The following PSMF1 variants were observed in gnomAD, a reference collection of about 807,000 sequenced individuals.
PSMF1 encodes the protein proteasome inhibitor PI31 subunit.
PSMF1 carries 30 observed loss-of-function variants against 29.3 expected under a neutral mutation model. The ratio of observed to expected loss-of-function variants is 1.02; its 90% CI spans 0.77 to 1.39. PSMF1 has a LOEUF of 1.39. PSMF1 is among the 40% of genes most tolerant of loss of function. PSMF1 has a pLI of 0.00. For missense variants in PSMF1, 344 were observed against 357.5 expected (o/e 0.96, Z 0.31); for synonymous variants, 134 against 139.7 (o/e 0.96, Z 0.29).
At position 1,168,358 on chromosome 20, in the gene PSMF1, A is replaced by G. The variant is rs1411831988; in HGVS notation, c.*3278A>G. 1 of 152,232 alleles carries G rather than the reference A, an allele frequency of 6.6e-6. No individual in the cohort carries two copies. Among genetic ancestry groups the G allele is most frequent in the Non-Finnish European group, 1.5e-5 (1 of 68,052 alleles). 9.4% of individuals were successfully genotyped at this position (152,232 alleles called of 1,614,324 possible). ...TATCCAGTGAATTACAAGTAGAATA[A>G]AGATCTGGTTCTAAATTGTCTTTTG... On this transcript the variant is annotated 3_prime_UTR_variant, in exon 7 of 7. Coordinates refer to ENST00000335877, the MANE Select transcript of PSMF1 (RefSeq NM_006814.5).
chr20:1,121,359 G>GC lies in PSMF1; in HGVS notation c.129+2457_129+2458insC, dbSNP rs1335145822. Among the ~76,000 whole-genome samples the GC allele has an allele frequency of 3.9e-5, 6 of 152,092 alleles. No homozygotes were observed. The East Asian group carries it at 1.2e-3, about 30-fold the overall frequency. Reference sequence around the variant, plus strand: ...ATGCCCCCGAAGGAATGAGTGTTTGGATTGCAAACTAGAGTGTGGTGTATT... The same window carrying GC: ...ATGCCCCCGAAGGAATGAGTGTTTGGCATTGCAAACTAGAGTGTGGTGTATT... On this transcript the variant is annotated intron_variant, in intron 1 of 6. Transcript: ENST00000335877.
chr20:1,158,118 C>T (rs1568481689), intron 4 of PSMF1, among the ~76,000 whole-genome samples: 1 of 152,202 alleles, frequency 6.6e-6, no homozygotes, highest in East Asian at 1.9e-4. Flanking sequence ...CAGCGTTCCT[C>T]CCTCTGGAAC....
intron 4 of PSMF1, among the ~76,000 whole-genome samples, chr20:1,158,939 C>T (rs558666045): frequency 1.6e-4 from 24 of 152,082 alleles, no homozygotes; most frequent in Admixed American, 4.6e-4. Flanking sequence ...GCCTGTAATC[C>T]TAGCTACTTA....
chr20:1,161,195 C>G, intron 4 of PSMF1: 1 of 323,716 alleles, frequency 3.1e-6, no homozygotes, highest in Non-Finnish European at 6.1e-6. Flanking sequence ...AGCGGGAGAT[C>G]ATGCGTGACA....
chr20:1,159,495 G>A (rs550842651), intron 4 of PSMF1, among the ~76,000 whole-genome samples: 69 of 152,264 alleles, frequency 4.5e-4, no homozygotes, highest in African/African-American at 1.5e-3. Context: ...TTGTTCTCTT[G>A]TTTCTTCTCT....
Position 1,166,371 on chromosome 20 carries a change from C to G in PSMF1, c.*1291C>G, listed in dbSNP as rs1280940843. 29 of 1,107,720 alleles carry G rather than the reference C, an allele frequency of 2.6e-5. No individual in the cohort carries two copies. Among genetic ancestry groups the G allele is most frequent in the Non-Finnish European group, 3.5e-5 (26 of 744,498 alleles). 68.6% of individuals were successfully genotyped at this position (1,107,720 alleles called of 1,614,324 possible). On this transcript the variant is annotated 3_prime_UTR_variant, in exon 7 of 7. Coordinates refer to ENST00000335877, the MANE Select transcript of PSMF1 (RefSeq NM_006814.5). ...CATTTCAACCATATGTGGATCCTTT[C>G]ATTTCTCAGCTCCCTGGATTCCTTC...
intron 1 of PSMF1, among the ~76,000 whole-genome samples, chr20:1,119,888 A>G (rs2086064321): frequency 6.6e-6 from 1 of 151,870 alleles, no homozygotes; most frequent in Admixed American, 6.6e-5. Flanking sequence ...CACCCCACCT[A>G]TTGCATCTTG....
intron 3 of PSMF1, among the ~76,000 whole-genome samples, chr20:1,131,904 C>G (rs1248894502): frequency 2.0e-5 from 3 of 152,076 alleles, no homozygotes; most frequent in Admixed American, 1.3e-4. Flanking sequence ...TCAGAGGCCT[C>G]CCTCTGATCT....
chr20:1,153,868 C>G (rs180979351), intron 4 of PSMF1, among the ~76,000 whole-genome samples: 1 of 152,176 alleles, frequency 6.6e-6, no homozygotes, highest in East Asian at 1.9e-4. Flanking sequence ...GTTCTTTGTT[C>G]CCATCATATA....
chr20:1,161,785 C>T, intron 4 of PSMF1: 1 of 382,598 alleles, frequency 2.6e-6, no homozygotes, highest in East Asian at 5.4e-5. Flanking sequence ...CACCTCATGC[C>T]AGCCTCACAA....
intron 4 of PSMF1, among the ~76,000 whole-genome samples, chr20:1,151,370 T>C (rs2086528588): frequency 1.3e-5 from 2 of 152,250 alleles, no homozygotes. Flanking sequence ...TAGTAAATTA[T>C]TGAATTCTAC....
intron 4 of PSMF1, among the ~76,000 whole-genome samples, chr20:1,135,601 A>C (rs188032831): frequency 5.3e-5 from 8 of 152,304 alleles, no homozygotes; most frequent in Admixed American, 2.6e-4. Context: ...TATGTGCAGT[A>C]GTCTAAGGTT....
chr20:1,150,522 T>A (rs1467882617), intron 4 of PSMF1, among the ~76,000 whole-genome samples: 2 of 149,676 alleles, frequency 1.3e-5, no homozygotes, highest in African/African-American at 4.9e-5. Flanking sequence ...CACATTAAAA[T>A]TTTTTTTTTC....
intron 4 of PSMF1, chr20:1,161,448 C>G (rs2086666058): frequency 6.4e-6 from 3 of 466,458 alleles, no homozygotes; most frequent in African/African-American, 4.0e-5. Context: ...CCACAAGGAC[C>G]TGTATGCCAA....
chr20:1,117,720 G>C (rs1438271837), upstream of PSMF1: 1 of 152,276 alleles, frequency 6.6e-6, no homozygotes, highest in African/African-American at 2.4e-5. Flanking sequence ...GAATGGAATG[G>C]GGCAGTTCTG....
rs903208238 is a variant in PSMF1, at chr20:1,169,911, C to T, written c.*4831C>T. ...GTGAGCCAATCTTCTGTGTTGTCTA[C>T]GCCATGGACCATGATATAAATGGGT... On this transcript the variant is annotated 3_prime_UTR_variant, in exon 7 of 7. Transcript: ENST00000335877. 2.0e-5 allele frequency among the ~76,000 whole-genome samples: 3 copies of T among 152,174 alleles called. No individual in the cohort carries two copies. The highest frequency in any genetic ancestry group is 1.9e-4 in the East Asian group (1 of 5,194).
At chr20:1,161,475 G>A in intron 4 of PSMF1, 1 of 497,400 alleles carries the variant, frequency 2.0e-6, no homozygotes, top group Admixed American at 2.7e-5. Context: ...GCTGGCCAGT[G>A]GCACCACCAT....
At chr20:1,144,280 A>G (rs1320722649) in intron 4 of PSMF1, among the ~76,000 whole-genome samples, 1 of 152,226 alleles carries the variant, frequency 6.6e-6, no homozygotes, top group Non-Finnish European at 1.5e-5. Context: ...ATGATACTAA[A>G]TTCTAGAGAG....
Position 1,163,129 on chromosome 20 carries a change from G to T in PSMF1, c.552-1G>T. The T allele has an allele frequency of 6.2e-7, 1 of 1,614,128 alleles. No homozygotes were observed. The highest frequency in any genetic ancestry group is 8.5e-7 in the Non-Finnish European group (1 of 1,180,018). ...CAGTAATTGTCTCTTGTTTGTTTCA[G>T]GTGTGATCCCCTGGGCCCGTTTGTT... On this transcript the variant is annotated splice_acceptor_variant, in intron 4 of 6. Transcript: ENST00000335877. LOFTEE classifies it high-confidence loss of function. This position sits in a 1 kb window ranked among gnomAD's most constrained non-coding sequence, Gnocchi z 6.1.
Sources: gnomAD v4.1 joint callset for allele counts (sites outside exome capture counted in the v4.1 genomes callset) on GRCh38, gnomAD v4.1.1 for gene constraint, Gnocchi (gnomAD v3.1) non-coding constraint, MANE v1.5 for transcripts, NCBI Gene and HGNC (gene_info 2026-07-23, HGNC 2026-07-21) for gene names.